The following LUZP2 variants were observed in gnomAD, a reference collection of about 807,000 sequenced individuals.
The protein encoded by LUZP2 is leucine zipper protein 2.
LUZP2 carries 52 observed loss-of-function variants against 51.6 expected under a neutral mutation model. The observed-to-expected ratio is 1.01, with a 90% confidence interval of 0.81 to 1.27. LUZP2 has a LOEUF of 1.27. LUZP2 is among the 50% of genes most tolerant of loss of function. LUZP2 has a pLI of 0.00. For synonymous variants in LUZP2, 154 were observed against 137.3 expected (o/e 1.12, Z -0.85); for missense variants, 436 against 395.4 (o/e 1.10, Z -0.87).
chr11:24,507,892 A>G (rs12277673), intron 1 of LUZP2, among the ~76,000 whole-genome samples: 5,252 of 152,044 alleles, frequency 0.035, 222 homozygotes, highest in African/African-American at 0.095. Context: ...AGAATGTGCA[A>G]CTATGCCAGT....
chr11:24,862,320 A>G (rs915206095), intron 5 of LUZP2, among the ~76,000 whole-genome samples: 7 of 152,340 alleles, frequency 4.6e-5, no homozygotes, highest in Middle Eastern at 6.8e-3. Flanking sequence ...CAAAGGAGAA[A>G]TAAAATCCTA....
chr11:24,879,058 C>T (rs1169465104), intron 5 of LUZP2, among the ~76,000 whole-genome samples: 1 of 152,118 alleles, frequency 6.6e-6, no homozygotes, highest in Non-Finnish European at 1.5e-5. Context: ...GCTCCGGCTC[C>T]TGGGTTCACA....
chr11:24,568,566 C>A (rs752188210), intron 1 of LUZP2, among the ~76,000 whole-genome samples: 4 of 151,712 alleles, frequency 2.6e-5, no homozygotes, highest in Non-Finnish European at 5.9e-5. Flanking sequence ...GAAGGGAGAA[C>A]TTTACAGTTT....
At chr11:25,005,929 T>C (rs772452068) in intron 9 of LUZP2, among the ~76,000 whole-genome samples, 1 of 152,078 alleles carries the variant, frequency 6.6e-6, no homozygotes, top group Non-Finnish European at 1.5e-5. Context: ...TATAAAGATG[T>C]TATGCCCCAA....
chr11:24,666,294 C>CT, intron 1 of LUZP2, among the ~76,000 whole-genome samples: 1 of 152,216 alleles, frequency 6.6e-6, no homozygotes, highest in East Asian at 1.9e-4. Context: ...ATCCTCTTAA[C>CT]TAGTGAAAGA....
intron 1 of LUZP2, among the ~76,000 whole-genome samples, chr11:24,602,302 A>G (rs545322693): frequency 1.4e-4 from 21 of 146,982 alleles, no homozygotes; most frequent in Non-Finnish European, 2.4e-4. Flanking sequence ...ATGTACATAC[A>G]TATATACACA....
At chr11:24,615,771 A>G (rs1191054214) in intron 1 of LUZP2, among the ~76,000 whole-genome samples, 6 of 151,566 alleles carry the variant, frequency 4.0e-5, no homozygotes, top group Non-Finnish European at 7.4e-5. Context: ...TCAACAATGT[A>G]TTTGTGACCC....
intron 5 of LUZP2, among the ~76,000 whole-genome samples, chr11:24,860,789 A>T (rs976514907): frequency 2.0e-5 from 3 of 152,004 alleles, no homozygotes; most frequent in African/African-American, 7.3e-5. Flanking sequence ...CCCCCCAAAA[A>T]CCCTCCCCAA....
chr11:24,704,990 T>C (rs895288615), intron 1 of LUZP2, among the ~76,000 whole-genome samples: 7 of 152,142 alleles, frequency 4.6e-5, no homozygotes, highest in Admixed American at 4.6e-4. Flanking sequence ...TCTACAAATA[T>C]GAACACACAC....
At chr11:24,885,835 A>G (rs1389702523) in intron 5 of LUZP2, among the ~76,000 whole-genome samples, 1 of 152,206 alleles carries the variant, frequency 6.6e-6, no homozygotes, top group Admixed American at 6.5e-5. Context: ...CTAAGTGAAG[A>G]ATAGAAACCT....
At position 24,507,348 on chromosome 11, in the gene LUZP2, T is replaced by C. The variant is rs144157490; in HGVS notation, c.62+10043T>C. On this transcript the variant is annotated intron_variant, in intron 1 of 11. Coordinates refer to ENST00000336930, the MANE Select transcript of LUZP2 (RefSeq NM_001009909.4). ...CAAATTGTAGCTGAAGTCAGGAGAA[T>C]GGGAAGATGTTGATGTTTTGGCAAA... Among the ~76,000 whole-genome samples, 1,321 of 152,176 alleles carry C rather than the reference T, an allele frequency of 8.7e-3. 18 individuals carry two copies. The highest frequency in any genetic ancestry group is 0.03 in the African/African-American group (1,251 of 41,544).
At chr11:25,013,638 A>G (rs1360611510) in intron 9 of LUZP2, among the ~76,000 whole-genome samples, 2 of 152,230 alleles carry the variant, frequency 1.3e-5, no homozygotes, top group Middle Eastern at 3.4e-3. Context: ...TAATATGGAT[A>G]CAGTATTAAT....
At chr11:24,738,842 G>A (rs537350596) in intron 4 of LUZP2, among the ~76,000 whole-genome samples, 9 of 151,972 alleles carry the variant, frequency 5.9e-5, no homozygotes, top group African/African-American at 9.7e-5. Context: ...TGACCCCACC[G>A]TTTCAGCTCT....
At chr11:24,519,578 G>T (rs1564965472) in intron 1 of LUZP2, among the ~76,000 whole-genome samples, 1 of 152,180 alleles carries the variant, frequency 6.6e-6, no homozygotes, top group Non-Finnish European at 1.5e-5. Flanking sequence ...CTATCTTAGT[G>T]AAAAGTCCTT....
chr11:24,842,199 AT>A (rs1185921884), intron 5 of LUZP2, among the ~76,000 whole-genome samples: 1 of 149,412 alleles, frequency 6.7e-6, no homozygotes, highest in Non-Finnish European at 1.5e-5. Context: ...TAATATTAAA[AT>A]TTTCAATTAT....
At chr11:24,986,840 C>T (rs1856201147) in intron 9 of LUZP2, among the ~76,000 whole-genome samples, 3 of 151,358 alleles carry the variant, frequency 2.0e-5, no homozygotes. Context: ...AACATATCAC[C>T]AAGAATCCTA....
intron 9 of LUZP2, among the ~76,000 whole-genome samples, chr11:25,032,978 T>C (rs925301323): frequency 2.0e-5 from 3 of 152,214 alleles, no homozygotes; most frequent in African/African-American, 7.2e-5. Context: ...GAAATAACTC[T>C]ATTATACAGA....
chr11:24,783,659 G>C (rs1048555190), intron 5 of LUZP2, among the ~76,000 whole-genome samples: 1 of 151,816 alleles, frequency 6.6e-6, no homozygotes, highest in African/African-American at 2.4e-5. Flanking sequence ...TGTTCTTGTA[G>C]CAACTGAAAA....
At chr11:25,075,181 C>T (rs796394638) in intron 10 of LUZP2, among the ~76,000 whole-genome samples, 12 of 151,970 alleles carry the variant, frequency 7.9e-5, no homozygotes, top group African/African-American at 2.2e-4. Flanking sequence ...TTTCCTTAGG[C>T]GGTGTAGAAG....
Sources: allele counts gnomAD v4.1 joint callset (sites outside exome capture counted in the v4.1 genomes callset), GRCh38; gene constraint gnomAD v4.1.1; transcripts MANE v1.5; gene names NCBI Gene and HGNC (gene_info 2026-07-23, HGNC 2026-07-21).